The following FRMPD4 variants were observed in gnomAD, a reference collection of about 807,000 sequenced individuals.
FRMPD4 encodes the protein FERM and PDZ domain containing 4, also known as FERM and PDZ domain-containing protein 4.
A neutral mutation model predicts 94.1 loss-of-function variants in FRMPD4; 22 were observed. That is an observed-to-expected ratio of 0.23 (90% confidence interval 0.17 to 0.33). The LOEUF (loss-of-function observed/expected upper bound fraction) is 0.33, where lower values mean the gene tolerates loss of function less well. Among genes scored for constraint, FRMPD4 ranks in the 10% least tolerant of loss-of-function variants. The probability of loss-of-function intolerance (pLI) is 1.00; values close to 1 mark genes in which losing one functional copy is unlikely to be tolerated. For synonymous variants in FRMPD4, 631 were observed against 548.6 expected, an observed-to-expected ratio of 1.15 and a Z score of -2.10; for missense variants, 1,111 against 1,339.9, an observed-to-expected ratio of 0.83 and a Z score of 2.67.
intron 1 of FRMPD4, among the ~76,000 whole-genome samples, chrX:11,833,752 G>T (rs115514813): frequency 0.013 from 1,439 of 111,896 alleles, 24 homozygotes; most frequent in African/African-American, 0.043. Flanking sequence ...CCTGCATTTT[G>T]CAGCCTCTCT....
chrX:12,604,689 G>T (rs2059114147), intron 2 of FRMPD4, among the ~76,000 whole-genome samples: 1 of 111,764 alleles, frequency 8.9e-6, no homozygotes, highest in South Asian at 3.8e-4. Context: ...TAAGTTCAAG[G>T]GTACATGTGT....
rs1261765269 is a variant in FRMPD4, at chrX:12,716,253, C to A, written c.1794C>A (p.Asp598Glu). ...AAGAGCACCGGCACTTGTACATAGA[C>A]AATGCCTATAGTTCAGATGGACTTA... Reference protein sequence around the residue: ...CPKEHRHLYIDNAYSSDGLNQ... With the variant: ...CPKEHRHLYIENAYSSDGLNQ... The change falls in exon 15 of 17, where the codon GAC (aspartate) becomes GAA (glutamate). Residue 598 changes from aspartate (D) to glutamate (E), a missense_variant. Around this residue, in one of 8 missense-constraint regions of FRMPD4, gnomAD observed 192 missense variants for 192.5 expected, o/e 1.00. Coordinates refer to ENST00000675598, the MANE Select transcript of FRMPD4 (RefSeq NM_001368397.1). 1 of 1,210,153 alleles carries A rather than the reference C, an allele frequency of 8.3e-7. No homozygotes were observed.
At chrX:12,130,102 AAGAG>A (rs10533802) in intron 3 of FRMPD4, among the ~76,000 whole-genome samples, 1,420 of 92,679 alleles carry the variant, frequency 0.015, 18 homozygotes, top group African/African-American at 0.041. Context: ...GAGCCAGCGG[AAGAG>A]AGAGAGAGAG....
chrX:12,225,688 G>A (rs754457152), intron 1 of FRMPD4, among the ~76,000 whole-genome samples: 2 of 112,243 alleles, frequency 1.8e-5, no homozygotes, highest in South Asian at 3.7e-4. Context: ...TACAGAGCTA[G>A]CAACATTGTA....
rs1268853060 is a variant in FRMPD4 at position 12,718,203 on chromosome X, C to T, written c.3377C>T (p.Ala1126Val). ...GCTTCTGGTCTTGGGGCAAGGGAGG[C>T]CGAAGGGAAGGAAGAAGGAGCTCCT... ...PRASGLGAREAEGKEEGAPDG... is the reference protein window; with the variant it reads ...PRASGLGAREVEGKEEGAPDG... The change falls in exon 16 of 17, where the codon GCC (alanine) becomes GTC (valine). Residue 1126 changes from alanine (A) to valine (V), a missense_variant. Physicochemically the swap from Ala to Val is moderately conservative, Grantham distance 64. Transcript: ENST00000675598. 8.3e-7 allele frequency: 1 copy of T among 1,210,544 alleles called. No homozygotes were observed. Among genetic ancestry groups the T allele is most frequent in the African/African-American group, 1.7e-5 (1 of 57,659 alleles).
chrX:12,162,459 T>G (rs936730033), intron 1 of FRMPD4, among the ~76,000 whole-genome samples: 1 of 112,412 alleles, frequency 8.9e-6, no homozygotes, highest in African/African-American at 3.2e-5. Flanking sequence ...GGTGTATTAG[T>G]TGGGAGACCA....
intron 3 of FRMPD4, among the ~76,000 whole-genome samples, chrX:11,917,185 A>G (rs900244842): frequency 1.8e-5 from 2 of 112,421 alleles, no homozygotes; most frequent in Admixed American, 9.4e-5. Flanking sequence ...TAAAACCACA[A>G]TGAGATAACA....
chrX:11,893,462 A>G (rs1278052652), intron 3 of FRMPD4, among the ~76,000 whole-genome samples: 1 of 112,300 alleles, frequency 8.9e-6, no homozygotes, highest in Non-Finnish European at 1.9e-5. Flanking sequence ...ACTGCCTATC[A>G]AGTATCTCTG....
chrX:12,470,907 CCT>C (rs1326871087), intron 1 of FRMPD4, among the ~76,000 whole-genome samples: 1 of 111,858 alleles, frequency 8.9e-6, no homozygotes, highest in East Asian at 2.8e-4. Context: ...TCATTGGTTA[CCT>C]CTCTCATATG....
chrX:12,508,991 C>CAAAAA (rs770698547), intron 2 of FRMPD4, among the ~76,000 whole-genome samples: 7 of 30,526 alleles, frequency 2.3e-4, no homozygotes, highest in Admixed American at 4.7e-4. Flanking sequence ...GACTCTGTCT[C>CAAAAA]AAAAAAAAAA....
chrX:12,365,712 G>C (rs1238303015), intron 1 of FRMPD4, among the ~76,000 whole-genome samples: 2 of 112,043 alleles, frequency 1.8e-5, no homozygotes, highest in Non-Finnish European at 3.8e-5. Flanking sequence ...GGCCATTCCA[G>C]GTAGAAGGGC....
At chrX:11,897,349 T>C (rs2053910149) in intron 3 of FRMPD4, among the ~76,000 whole-genome samples, 1 of 110,862 alleles carries the variant, frequency 9.0e-6, no homozygotes, top group Admixed American at 9.6e-5. Flanking sequence ...GGGGTGATAA[T>C]GGTCCTTATT....
chrX:12,716,194 A>T lies in FRMPD4; in HGVS notation c.1735A>T (p.Thr579Ser). ...AACATACATAGATTCAAAGCAGAAG[A>T]CGGTGGAGATCACAGACAGCACCAT... Reference protein sequence around the residue: ...QITYIDSKQKTVEITDSTMCP... With the variant: ...QITYIDSKQKSVEITDSTMCP... Residue 579 changes from threonine (T) to serine (S), a missense_variant, in exon 15 of 17, where the codon ACG (threonine) becomes TCG (serine). Physicochemically the swap from Thr to Ser is moderately conservative, Grantham distance 58. Coordinates refer to ENST00000675598, the MANE Select transcript of FRMPD4 (RefSeq NM_001368397.1). 1 of 1,207,268 alleles carries T rather than the reference A, an allele frequency of 8.3e-7. No homozygotes were observed. Among genetic ancestry groups the T allele is most frequent in the Non-Finnish European group, 1.1e-6 (1 of 891,494 alleles).
intron 1 of FRMPD4, among the ~76,000 whole-genome samples, chrX:12,273,084 A>G (rs2054379282): frequency 9.0e-6 from 1 of 110,804 alleles, no homozygotes; most frequent in Non-Finnish European, 1.9e-5. Context: ...TTCAAAAAAA[A>G]AAAAAGAAAA....
chrX:11,865,371 G>A (rs2053712354), intron 2 of FRMPD4, among the ~76,000 whole-genome samples: 1 of 111,679 alleles, frequency 9.0e-6, no homozygotes, highest in Non-Finnish European at 1.9e-5. Flanking sequence ...ATGAAAATAT[G>A]TTACCTTGTG....
At chrX:11,988,685 A>G (rs2054447229) in intron 3 of FRMPD4, among the ~76,000 whole-genome samples, 1 of 112,126 alleles carries the variant, frequency 8.9e-6, no homozygotes, top group Non-Finnish European at 1.9e-5. Context: ...ATGGGAGAAA[A>G]TATTTGCAAA....
intron 3 of FRMPD4, among the ~76,000 whole-genome samples, chrX:11,933,752 GT>G (rs777363236): frequency 1.8e-5 from 2 of 111,295 alleles, no homozygotes; most frequent in Non-Finnish European, 3.8e-5. Context: ...GCTTTGTGGG[GT>G]TTTTTTTAGG....
chrX:11,893,580 T>C (rs768915053), intron 3 of FRMPD4, among the ~76,000 whole-genome samples: 10 of 112,293 alleles, frequency 8.9e-5, no homozygotes, highest in Non-Finnish European at 1.9e-4. Flanking sequence ...TCAAAATACA[T>C]TATATGAACG....
chrX:11,892,487 G>C (rs2053880655), intron 3 of FRMPD4, among the ~76,000 whole-genome samples: 1 of 112,099 alleles, frequency 8.9e-6, no homozygotes, highest in African/African-American at 3.2e-5. Flanking sequence ...TGGAGACCTT[G>C]AGGTCTGATA....
Sources: gnomAD v4.1 joint callset for allele counts (sites outside exome capture counted in the v4.1 genomes callset) on GRCh38, gnomAD v4.1.1 for gene constraint, gnomAD v4.1.1 regional missense constraint, MANE v1.5 for transcripts, NCBI Gene and HGNC (gene_info 2026-07-23, HGNC 2026-07-21) for gene names.